Variants in FSTL5 observed in about 807,000 individuals in gnomAD.
FSTL5 encodes follistatin like 5.
FSTL5 carries 62 observed loss-of-function variants against 89.1 expected under a neutral mutation model. The observed-to-expected ratio is 0.70, with a 90% confidence interval of 0.57 to 0.86. FSTL5 has a LOEUF of 0.86. FSTL5 is among the 40% of genes least tolerant of loss of function. FSTL5 has a pLI of 0.00. For missense variants in FSTL5, 1,057 were observed against 1,001.6 expected (o/e 1.06, Z -0.75); for synonymous variants, 383 against 346.2 (o/e 1.11, Z -1.18).
chr4:161,493,302 A>G (rs143252882), intron 12 of FSTL5, among the ~76,000 whole-genome samples: 3 of 151,906 alleles, frequency 2.0e-5, no homozygotes, highest in African/African-American at 7.2e-5. Flanking sequence ...AAGAACACGA[A>G]CAGATAATAT....
At chr4:161,416,220 A>G (rs1044947971) in intron 15 of FSTL5, among the ~76,000 whole-genome samples, 5 of 152,214 alleles carry the variant, frequency 3.3e-5, no homozygotes, top group Admixed American at 6.5e-5. Context: ...TCTGATGAGT[A>G]TGAAAGGTTA....
chr4:161,615,523 G>A (rs1195594309), intron 7 of FSTL5, among the ~76,000 whole-genome samples: 1 of 150,066 alleles, frequency 6.7e-6, no homozygotes, highest in East Asian at 2.0e-4. Context: ...TCAAATTTAT[G>A]TACAACTCTA....
At chr4:161,706,871 CTT>C (rs1738602252) in intron 6 of FSTL5, among the ~76,000 whole-genome samples, 1 of 151,892 alleles carries the variant, frequency 6.6e-6, no homozygotes, top group Admixed American at 6.6e-5. Context: ...CAAAAGTAGT[CTT>C]TGTTGATTGG....
intron 4 of FSTL5, among the ~76,000 whole-genome samples, chr4:161,803,217 G>T (rs1340812564): frequency 5.3e-5 from 8 of 151,800 alleles, no homozygotes; most frequent in African/African-American, 1.9e-4. Flanking sequence ...AGCATAATAG[G>T]TTCAGGTTCA....
chr4:161,918,028 T>G (rs1022204428), intron 4 of FSTL5, among the ~76,000 whole-genome samples: 3 of 152,202 alleles, frequency 2.0e-5, no homozygotes, highest in Admixed American at 2.0e-4. Flanking sequence ...GTTTTGCAGT[T>G]CTTTAACCTA....
intron 3 of FSTL5, among the ~76,000 whole-genome samples, chr4:161,943,389 G>T (rs1426966951): frequency 6.6e-6 from 1 of 151,402 alleles, no homozygotes; most frequent in Non-Finnish European, 1.5e-5. Context: ...AACATAATAT[G>T]ATTAATTATG....
At chr4:162,067,585 C>A (rs1338646929) in intron 2 of FSTL5, among the ~76,000 whole-genome samples, 1 of 151,956 alleles carries the variant, frequency 6.6e-6, no homozygotes, top group Non-Finnish European at 1.5e-5. Flanking sequence ...TATGACAAAC[C>A]CACAGCCAGT....
At chr4:162,116,848 C>A (rs1481718684) in intron 1 of FSTL5, among the ~76,000 whole-genome samples, 6 of 152,296 alleles carry the variant, frequency 3.9e-5, no homozygotes, top group African/African-American at 1.2e-4. Flanking sequence ...TAGAAAAATT[C>A]TATGGGTCTT....
intron 10 of FSTL5, among the ~76,000 whole-genome samples, chr4:161,523,306 A>T (rs1280913422): frequency 6.6e-6 from 1 of 152,124 alleles, no homozygotes; most frequent in Admixed American, 6.5e-5. Flanking sequence ...TTCTGGCCAA[A>T]CCTGTACCAG....
At chr4:161,513,222 G>A (rs1469413513) in intron 10 of FSTL5, among the ~76,000 whole-genome samples, 1 of 145,974 alleles carries the variant, frequency 6.9e-6, no homozygotes, top group Non-Finnish European at 1.5e-5. Context: ...TTAAGCAAAT[G>A]ATAATACACA....
chr4:161,873,467 A>G (rs1185805852), intron 4 of FSTL5, among the ~76,000 whole-genome samples: 1 of 151,240 alleles, frequency 6.6e-6, no homozygotes, highest in East Asian at 1.9e-4. Flanking sequence ...TACAATAATA[A>G]AATTATTTCC....
intron 15 of FSTL5, among the ~76,000 whole-genome samples, chr4:161,406,016 A>G (rs1488856350): frequency 6.6e-6 from 1 of 152,162 alleles, no homozygotes; most frequent in African/African-American, 2.4e-5. Context: ...GACTTACCAC[A>G]TAAGAAATTC....
intron 6 of FSTL5, among the ~76,000 whole-genome samples, chr4:161,730,297 A>G (rs1739562302): frequency 6.6e-6 from 1 of 152,116 alleles, no homozygotes; most frequent in Non-Finnish European, 1.5e-5. Context: ...AGAAATTACA[A>G]ATATGAGTTG....
At chr4:161,889,592 C>T (rs559055534) in intron 4 of FSTL5, among the ~76,000 whole-genome samples, 2 of 152,186 alleles carry the variant, frequency 1.3e-5, no homozygotes, top group African/African-American at 4.8e-5. Flanking sequence ...TGCAGTGAGC[C>T]AAGATCGTGC....
intron 6 of FSTL5, among the ~76,000 whole-genome samples, chr4:161,672,688 C>T (rs1451460422): frequency 1.4e-5 from 2 of 144,826 alleles, no homozygotes; most frequent in Non-Finnish European, 3.0e-5. Context: ...AATTTTCTCT[C>T]GATTTTATCT....
intron 4 of FSTL5, among the ~76,000 whole-genome samples, chr4:161,880,010 G>A (rs1005430002): frequency 4.6e-5 from 7 of 152,130 alleles, no homozygotes; most frequent in Admixed American, 3.9e-4. Context: ...AATCATGTCA[G>A]TAGACATCTT....
chr4:161,804,820 A>G (rs1014004906), intron 4 of FSTL5, among the ~76,000 whole-genome samples: 1 of 151,990 alleles, frequency 6.6e-6, no homozygotes, highest in African/African-American at 2.4e-5. Flanking sequence ...CTAAATTGCA[A>G]TTGTTGTGGA....
chr4:161,783,869 G>A (rs1741786230), intron 4 of FSTL5, among the ~76,000 whole-genome samples: 1 of 149,234 alleles, frequency 6.7e-6, no homozygotes, highest in Admixed American at 6.8e-5. Context: ...GGGTTCAAGA[G>A]ACTCTCATGC....
At chr4:161,891,145 C>T (rs1732976957) in intron 4 of FSTL5, among the ~76,000 whole-genome samples, 1 of 152,008 alleles carries the variant, frequency 6.6e-6, no homozygotes, top group Non-Finnish European at 1.5e-5. Flanking sequence ...TATCTTGCTG[C>T]TTCTGAAGTA....
Sources: allele counts gnomAD v4.1 joint callset (sites outside exome capture counted in the v4.1 genomes callset), GRCh38; gene constraint gnomAD v4.1.1; transcripts MANE v1.5; gene names NCBI Gene and HGNC (gene_info 2026-07-23, HGNC 2026-07-21).